Variants in ELMO3 observed in about 807,000 individuals in gnomAD.
The protein encoded by ELMO3 is engulfment and cell motility 3, also known as engulfment and cell motility protein 3.
ELMO3 carries 81 observed loss-of-function variants against 89.0 expected under a neutral mutation model. That is an observed-to-expected ratio of 0.91 (90% CI 0.76 to 1.09). The LOEUF (loss-of-function observed/expected upper bound fraction) is 1.09. ELMO3 is among the 50% of genes least tolerant of loss of function. The pLI is 0.00. For missense variants in ELMO3, 959 were observed against 972.8 expected (o/e 0.99, Z 0.19); for synonymous variants, 406 against 400.6 (o/e 1.01, Z -0.16).
At position 67,202,001 on chromosome 16, in the gene ELMO3, G is replaced by C. The variant is rs2033124530; in HGVS notation, c.1075G>C (p.Glu359Gln). ...FSNSNPAQDL[E>Q]RVPPGLLALD... is the part of the protein sequence containing the mutation. ...GAACAGCAACCCAGCACAGGACCTGGAGCGCGTGCCCCCCGGTCTGCTGGC... is the reference window on the plus strand; with the variant it reads ...GAACAGCAACCCAGCACAGGACCTGCAGCGCGTGCCCCCCGGTCTGCTGGC... The change falls in exon 12 of 20, where the codon GAG becomes CAG. Residue 359 changes from glutamate to glutamine, a missense_variant. Transcript: ENST00000393997. 1 of 1,613,222 alleles carries C rather than the reference G, an allele frequency of 6.2e-7. No individual in the cohort carries two copies. The highest frequency in any genetic ancestry group is 1.7e-5 in the Admixed American group (1 of 59,994).
In ELMO3 at chr16:67,199,253, C is replaced by T; in HGVS notation, c.-74C>T. The T allele has an allele frequency of 6.2e-7, 1 of 1,611,728 alleles. No individual in the cohort carries two copies. Among genetic ancestry groups the T allele is most frequent in the Non-Finnish European group, 8.5e-7 (1 of 1,179,592 alleles). ...GGAGGACCTCCTCGTCCCCAGGGGC[C>T]CCAGGCCAGGTGCACCCTTGGCCGC... On this transcript the variant is annotated 5_prime_UTR_variant, in exon 1 of 20. Coordinates refer to ENST00000393997, the MANE Select transcript of ELMO3 (RefSeq NM_024712.5).
At position 67,202,900 on chromosome 16, in the gene ELMO3, G is replaced by A. The variant is rs759674356; in HGVS notation, c.1571G>A (p.Arg524Gln). The A allele has an allele frequency of 1.9e-6, 3 of 1,612,758 alleles. No individual in the cohort carries two copies. Among genetic ancestry groups the A allele is most frequent in the Admixed American group, 3.3e-5 (2 of 60,018 alleles). ...TGACACCCCTCTATCAGGGAGCTGC[G>A]GGAGAAGCTGAAGCCAGAGCTCATG... The part of the protein sequence containing the change: ...GTLAPPILEL[R>Q]EKLKPELMGL... Residue 524 changes from arginine (R) to glutamine (Q), a missense_variant, in exon 16 of 20, where the codon CGG becomes CAG. Physicochemically the swap from Arg to Gln is conservative, Grantham distance 43 (BLOSUM62 1). Coordinates refer to ENST00000393997, the MANE Select transcript of ELMO3 (RefSeq NM_024712.5).
Position 67,200,176 on chromosome 16 carries a change from G to T in ELMO3, c.244-16G>T, listed in dbSNP as rs200007690. 1,942 of 1,608,004 alleles carry T rather than the reference G, an allele frequency of 1.2e-3. 2 individuals are homozygous for T. The highest frequency in any genetic ancestry group is 2.4e-3 in the South Asian group (213 of 90,638). Reference sequence around the variant, plus strand: ...GCCCAGCCTCTTCACCTCTGCTCCTGCTCCGTTCCTGCCAGGACCTTGAGG... The same window carrying T: ...GCCCAGCCTCTTCACCTCTGCTCCTTCTCCGTTCCTGCCAGGACCTTGAGG... On this transcript the variant is annotated splice_polypyrimidine_tract_variant and intron_variant, in intron 4 of 19. Coordinates refer to ENST00000393997, the MANE Select transcript of ELMO3 (RefSeq NM_024712.5).
rs367958170 is a variant in ELMO3 at position 67,202,979 on chromosome 16, C to A, written c.1650C>A (p.Arg550=). 5.0e-4 allele frequency: 801 copies of A among 1,607,138 alleles called. 1 individual carries two copies. Among genetic ancestry groups the A allele is most frequent in the Non-Finnish European group, 6.3e-4 (746 of 1,179,938 alleles). ...GCCTCTGTGAGGGGACGCTCTTCCGCAAGATCAGCAGCCGGCGGCGCCAGG... is the reference window on the plus strand; with the variant it reads ...GCCTCTGTGAGGGGACGCTCTTCCGAAAGATCAGCAGCCGGCGGCGCCAGG... ...LLRLCEGTLF[R]KISSRRRQDK... is the part of the protein sequence containing the mutation. The change falls in exon 16 of 20, where the codon CGC becomes CGA. Residue 550 remains arginine (R), a synonymous_variant. Transcript: ENST00000393997.
rs768576272 is a variant in ELMO3, at chr16:67,202,901, G to A, written c.1572G>A (p.Arg524=). Reference sequence around the variant, plus strand: ...GACACCCCTCTATCAGGGAGCTGCGGGAGAAGCTGAAGCCAGAGCTCATGG... The same window carrying A: ...GACACCCCTCTATCAGGGAGCTGCGAGAGAAGCTGAAGCCAGAGCTCATGG... ...GTLAPPILEL[R]EKLKPELMGL... is the part of the protein sequence containing the mutation. The change falls in exon 16 of 20, where the codon CGG becomes CGA. Residue 524 remains arginine, a synonymous_variant. Coordinates refer to ENST00000393997, the MANE Select transcript of ELMO3 (RefSeq NM_024712.5). 16 of 1,612,682 alleles carry A rather than the reference G, an allele frequency of 9.9e-6. No homozygotes were observed. The highest frequency in any genetic ancestry group is 1.3e-5 in the Non-Finnish European group (15 of 1,179,984).
chr16:67,200,393 T>TGGTG, intron 5 of ELMO3, 32 bp downstream of exon 5: 1 of 1,611,844 alleles, frequency 6.2e-7, no homozygotes. Context: ...CTGGGGGAGA[T>TGGTG]GGTGGGTCTT....
intron 8 of ELMO3, 48 bp downstream of exon 8, chr16:67,201,016 GC>G (rs1222879957): frequency 1.3e-6 from 2 of 1,551,032 alleles, no homozygotes; most frequent in Non-Finnish European, 1.7e-6. Context: ...GGTGGGCGCT[GC>G]CCCACCCTGA....
intron 14 of ELMO3, 33 bp from the exon 15 acceptor site, chr16:67,202,594 C>G (rs754814012): frequency 6.2e-7 from 1 of 1,612,842 alleles, no homozygotes. Flanking sequence ...GGGTACAGAG[C>G]TTAGGCCCTG....
rs1159264898 is a variant in ELMO3 at position 67,199,420 on chromosome 16, C to T, written c.78+16C>T. 3.1e-6 allele frequency: 5 copies of T among 1,602,590 alleles called. No individual in the cohort carries two copies. Among genetic ancestry groups the T allele is most frequent in the Non-Finnish European group, 3.4e-6 (4 of 1,178,956 alleles). Reference sequence around the variant, plus strand: ...GCTGGACCAGGTCACCCGGCTGGTCCCGCCTCCATCTGCCCCACTGCCCCA... The same window carrying T: ...GCTGGACCAGGTCACCCGGCTGGTCTCGCCTCCATCTGCCCCACTGCCCCA... On this transcript the variant is annotated intron_variant, in intron 1 of 19. Transcript: ENST00000393997.
Position 67,199,717 on chromosome 16 carries a change from G to A in ELMO3, c.153G>A (p.Leu51=), listed in dbSNP as rs751981854. The A allele has an allele frequency of 5.0e-6, 8 of 1,611,020 alleles. No individual in the cohort carries two copies. The highest frequency in any genetic ancestry group is 6.8e-6 in the Non-Finnish European group (8 of 1,179,874). The change falls in exon 3 of 20, where the codon CTG becomes CTA. Residue 51 remains leucine, a synonymous_variant. Transcript: ENST00000393997. ...TGACGCACTCTGAGCGTTACGCCCT[G>A]CAGTTTGCGGATGGGCACCGGAGAT... ...WSLTHSERYA[L]QFADGHRRYI...
At chr16:67,199,884 G>GACAC in intron 3 of ELMO3, 67 bp from the exon 4 acceptor site, 1 of 1,610,938 alleles carries the variant, frequency 6.2e-7, no homozygotes, top group Non-Finnish European at 8.5e-7. Flanking sequence ...CGCCCTCACC[G>GACAC]ACACCCCAGT....
At chr16:67,199,517 C>CT (rs1567690356) in intron 1 of ELMO3, 36 bp from the exon 2 acceptor site, 1 of 1,588,292 alleles carries the variant, frequency 6.3e-7, no homozygotes, top group African/African-American at 1.3e-5. Flanking sequence ...CCATCCCTCC[C>CT]TGCCCAGGCC....
Position 67,200,819 on chromosome 16 carries a change from G to A in ELMO3, c.665+11G>A. On this transcript the variant is annotated intron_variant, in intron 7 of 19. Coordinates refer to ENST00000393997, the MANE Select transcript of ELMO3 (RefSeq NM_024712.5). ...GGTGCACCTACAGGTGTAAGCCTCT[G>A]GGGCTGGGGTCCAGATGCAGGGAGC... The A allele has an allele frequency of 6.2e-7, 1 of 1,613,160 alleles. No homozygotes were observed. The highest frequency in any genetic ancestry group is 8.5e-7 in the Non-Finnish European group (1 of 1,179,688).
Position 67,200,287 on chromosome 16 carries a change from C to T in ELMO3, c.339C>T (p.Asp113=), listed in dbSNP as rs2033068960. The part of the protein sequence containing the change: ...ALRRLVPLAS[D]MIFAREVISR... ...GGCGCCTTGTTCCGCTGGCCTCGGA[C>T]ATGATCTTTGCCAGGGAGGTCATCA... The change falls in exon 5 of 20, where the codon GAC becomes GAT. Residue 113 remains aspartate, a synonymous_variant. Transcript: ENST00000393997. 1 of 1,613,842 alleles carries T rather than the reference C, an allele frequency of 6.2e-7. No homozygotes were observed. Among genetic ancestry groups the T allele is most frequent in the Non-Finnish European group, 8.5e-7 (1 of 1,180,042 alleles).
At chr16:67,201,005 C>CACCG (rs2033091725) in intron 8 of ELMO3, 37 bp downstream of exon 8, 1 of 1,567,232 alleles carries the variant, frequency 6.4e-7, no homozygotes, top group Non-Finnish European at 8.6e-7. Flanking sequence ...GGGCAGCACC[C>CACCG]GGTGGGCGCT....
rs762891292 is a variant in ELMO3, at chr16:67,203,866, G to A, written c.2152G>A (p.Ala718Thr). 6 of 1,577,234 alleles carry A rather than the reference G, an allele frequency of 3.8e-6. No homozygotes were observed. In the African/African-American group the frequency reaches 4.0e-5, roughly 11 times the overall value. ...CAACTTCTGCTATGACTGCAGCATCGCTGAACCTTGACAGTGTGGCTGGCC... is the reference window on the plus strand; with the variant it reads ...CAACTTCTGCTATGACTGCAGCATCACTGAACCTTGACAGTGTGGCTGGCC... ...NFNFCYDCSI[A>T]EP Residue 718 changes from alanine (A) to threonine (T), a missense_variant, in exon 20 of 20, where the codon GCT becomes ACT. By Grantham distance (58) the Ala-to-Thr change is moderately conservative (BLOSUM62 0). Transcript: ENST00000393997. This position sits in a 1 kb window ranked among gnomAD's most constrained non-coding sequence, Gnocchi z 4.6.
rs779511488 is a variant in ELMO3, at chr16:67,201,610, C to T, written c.886C>T (p.Arg296Cys). 2.9e-5 allele frequency: 47 copies of T among 1,613,302 alleles called. No homozygotes were observed. Among genetic ancestry groups the T allele is most frequent in the Non-Finnish European group, 3.1e-5 (37 of 1,180,044 alleles). The change falls in exon 10 of 20, where the codon CGC becomes TGC. Residue 296 changes from arginine to cysteine, a missense_variant. By Grantham distance (180) the Arg-to-Cys change is radical. Transcript: ENST00000393997. Reference sequence around the variant, plus strand: ...TCTCATGCTGGGGCTGCTGGAGCCGCGCATGCGGACGCCCCTGGACCCCTA... The same window carrying T: ...TCTCATGCTGGGGCTGCTGGAGCCGTGCATGCGGACGCCCCTGGACCCCTA... ...QALMLGLLEP[R>C]MRTPLDPYSQ...
In ELMO3 at chr16:67,203,525, G is replaced by T. The variant is rs937262446; in HGVS notation, c.1892G>T (p.Ser631Ile). The change falls in exon 19 of 20, where the codon AGC becomes ATC. Residue 631 changes from serine (S) to isoleucine (I), a missense_variant. Ser to Ile is a moderately radical substitution (Grantham distance 142). Coordinates refer to ENST00000393997, the MANE Select transcript of ELMO3 (RefSeq NM_024712.5). The surrounding 1 kb of genome is among the most constrained non-coding windows in gnomAD (Gnocchi z 4.6). ...KDLYELAFSISYDRGEEEAYL... is the reference protein window; with the variant it reads ...KDLYELAFSIIYDRGEEEAYL... ...CTCTATGAGTTGGCCTTCTCAATCA[G>T]CTATGACCGTGGGGAGGAGGAAGCG... 3.7e-6 allele frequency: 6 copies of T among 1,613,344 alleles called. No individual in the cohort carries two copies. The highest frequency in any genetic ancestry group is 5.1e-6 in the Non-Finnish European group (6 of 1,179,754).
chr16:67,201,212 A>ATTTTT (rs753596419), intron 8 of ELMO3, among the ~76,000 whole-genome samples, 173 bp from the exon 9 acceptor site: 2 of 94,242 alleles, frequency 2.1e-5, no homozygotes, highest in African/African-American at 9.7e-5. Flanking sequence ...CGCCCAGCTG[A>ATTTTT]TTTTTTTTTT....
Sources: gnomAD v4.1 joint callset for allele counts (sites outside exome capture counted in the v4.1 genomes callset) on GRCh38, gnomAD v4.1.1 for gene constraint, Gnocchi (gnomAD v3.1) non-coding constraint, MANE v1.5 for transcripts, NCBI Gene and HGNC (gene_info 2026-07-23, HGNC 2026-07-21) for gene names.